The following FOCAD variants were observed in gnomAD, a reference collection of about 807,000 sequenced individuals.
FOCAD encodes the protein KIAA1797.
FOCAD carries 198 observed loss-of-function variants against 225.6 expected under a neutral mutation model. The observed-to-expected ratio is 0.88, with a 90% CI of 0.78 to 0.99. The LOEUF (loss-of-function observed/expected upper bound fraction) is 0.99, where lower values mean the gene tolerates loss of function less well. Ranked by LOEUF, FOCAD falls within the 50% of genes least tolerant of loss-of-function variation. The probability of loss-of-function intolerance (pLI) is 0.00; values close to 1 mark genes in which losing one functional copy is unlikely to be tolerated. For missense variants in FOCAD, 2,713 were observed against 2,123.6 expected, an observed-to-expected ratio of 1.28 and a Z score of -5.46; for synonymous variants, 897 against 755.0, an observed-to-expected ratio of 1.19 and a Z score of -3.08.
At chr9:20,809,533 T>C (rs560043439) in intron 11 of FOCAD, among the ~76,000 whole-genome samples, 1 of 152,164 alleles carries the variant, frequency 6.6e-6, no homozygotes, top group Non-Finnish European at 1.5e-5. Context: ...AGAATCTCTC[T>C]CTTCTTCTGA....
chr9:20,722,016 C>T (rs1372193152), intron 4 of FOCAD, among the ~76,000 whole-genome samples: 4 of 112,412 alleles, frequency 3.6e-5, no homozygotes, highest in African/African-American at 1.4e-4. Flanking sequence ...TTCCTTCCTT[C>T]CTTCCTTCTT....
At chr9:20,755,936 A>G (rs1164991091) in intron 5 of FOCAD, among the ~76,000 whole-genome samples, 2 of 152,120 alleles carry the variant, frequency 1.3e-5, no homozygotes, top group East Asian at 3.9e-4. Context: ...CTGGGATTAC[A>G]GGTGTGAATC....
chr9:20,772,132 T>G (rs1003777875), intron 8 of FOCAD, among the ~76,000 whole-genome samples: 4 of 152,142 alleles, frequency 2.6e-5, no homozygotes, highest in Non-Finnish European at 4.4e-5. Context: ...TATGATTGAT[T>G]AGATGGTCAA....
chr9:20,944,716 T>A lies in FOCAD; in HGVS notation c.3497T>A (p.Leu1166His), dbSNP rs1403163727. The change falls in exon 29 of 44, where the codon CTC becomes CAC. Residue 1166 changes from leucine (L) to histidine (H), a missense_variant. By Grantham distance (99) the Leu-to-His change is moderately conservative. Coordinates refer to ENST00000338382, the MANE Select transcript of FOCAD (RefSeq NM_001375567.1). ...TCCCGCGTTCACGTAGCAGCATTGC[T>A]CCGGAAGCTGTCTGCGCACGTAGAT... ...MQSRVHVAAL[L>H]RKLSAHVDDS... 6.2e-7 allele frequency: 1 copy of A among 1,614,052 alleles called. No homozygotes were observed. The highest frequency in any genetic ancestry group is 8.5e-7 in the Non-Finnish European group (1 of 1,179,958).
At chr9:20,866,664 C>T (rs1829289190) in intron 17 of FOCAD, among the ~76,000 whole-genome samples, 1 of 151,784 alleles carries the variant, frequency 6.6e-6, no homozygotes, top group South Asian at 2.1e-4. Flanking sequence ...TTCTTACTTC[C>T]CTTCACAGAC....
intron 14 of FOCAD, among the ~76,000 whole-genome samples, chr9:20,822,153 A>G (rs1001929322): frequency 6.6e-6 from 1 of 152,002 alleles, no homozygotes; most frequent in Non-Finnish European, 1.5e-5. Context: ...GAGGCTCAGG[A>G]TAGACTGAAT....
At chr9:20,946,416 A>G (rs1387066029) in intron 29 of FOCAD, among the ~76,000 whole-genome samples, 1 of 152,216 alleles carries the variant, frequency 6.6e-6, no homozygotes, top group Non-Finnish European at 1.5e-5. Flanking sequence ...TACTATTATG[A>G]GTCTAAAGAC....
intron 1 of FOCAD, among the ~76,000 whole-genome samples, chr9:20,713,933 GGAAAATAGTTTGCAATC>G (rs1825087270): frequency 1.3e-5 from 2 of 152,124 alleles, no homozygotes; most frequent in Non-Finnish European, 2.9e-5. Context: ...GATTTAGATA[GGAAAATAGTTTGCAATC>G]TTAGAACAAG....
chr9:20,957,686 T>TTTTTATTTA (rs1488545562), intron 35 of FOCAD: 5 of 140,514 alleles, frequency 3.6e-5, no homozygotes, highest in African/African-American at 1.3e-4. Context: ...TTTTTTTTTT[T>TTTTTATTTA]TTTTTTTTTT....
At chr9:20,926,054 T>A (rs534568667) in intron 25 of FOCAD, among the ~76,000 whole-genome samples, 1 of 152,218 alleles carries the variant, frequency 6.6e-6, no homozygotes, top group Non-Finnish European at 1.5e-5. Context: ...TTTTGCAGCA[T>A]CTATCCTCTT....
rs1820267319 is a variant in FOCAD at position 20,789,259 on chromosome 9, A to G, written c.1198-92A>G. On this transcript the variant is annotated intron_variant, in intron 10 of 43. Transcript: ENST00000338382. ...TATTCATTTTGTTGGAAGGAGTGAT[A>G]TCTTACAATGAAATATAAGAATGCC... 3 of 1,372,128 alleles carry G rather than the reference A, an allele frequency of 2.2e-6. No individual in the cohort carries two copies. The South Asian group carries it at 3.9e-5, about 18-fold the overall frequency. 85.0% of individuals were successfully genotyped at this position (1,372,128 alleles called of 1,614,324 possible). A position where few individuals can be genotyped will look rare whatever the true frequency, so the allele number is the denominator to read the frequency against.
upstream of FOCAD, among the ~76,000 whole-genome samples, chr9:20,658,098 G>A (rs1028992753): frequency 1.3e-5 from 2 of 150,444 alleles, no homozygotes; most frequent in Non-Finnish European, 3.0e-5. Context: ...TCAGGGGTCA[G>A]GGGTCAGGGA....
At chr9:20,888,078 AT>A (rs748725244) in intron 21 of FOCAD, among the ~76,000 whole-genome samples, 240 of 52,614 alleles carry the variant, frequency 4.6e-3, no homozygotes, top group Non-Finnish European at 6.7e-3. Flanking sequence ...TATTCTGGAT[AT>A]TTTTTTTTTT....
intron 28 of FOCAD, among the ~76,000 whole-genome samples, 155 bp from the exon 29 acceptor site, chr9:20,944,472 G>A (rs1836978379): frequency 6.6e-6 from 1 of 152,174 alleles, no homozygotes; most frequent in Admixed American, 6.5e-5. Flanking sequence ...ATGTGTACTT[G>A]TCATGGATGA....
intron 40 of FOCAD, among the ~76,000 whole-genome samples, chr9:20,987,369 G>A (rs566362294): frequency 5.9e-5 from 9 of 152,148 alleles, no homozygotes; most frequent in Admixed American, 1.3e-4. Flanking sequence ...TTAGCTGGTT[G>A]TGGTGGCGTA....
At chr9:20,741,054 A>G (rs1266006825) in intron 5 of FOCAD, among the ~76,000 whole-genome samples, 1 of 152,176 alleles carries the variant, frequency 6.6e-6, no homozygotes, top group Non-Finnish European at 1.5e-5. Flanking sequence ...AACTCTGTTC[A>G]GTGAGGCATT....
intron 28 of FOCAD, among the ~76,000 whole-genome samples, chr9:20,937,583 A>T (rs539406011): frequency 1.3e-5 from 2 of 152,268 alleles, no homozygotes; most frequent in South Asian, 4.2e-4. Flanking sequence ...TTAATTCAAG[A>T]TGGATTAAAG....
chr9:20,895,932 C>T (rs1023532752), intron 21 of FOCAD, among the ~76,000 whole-genome samples: 2 of 151,888 alleles, frequency 1.3e-5, no homozygotes, highest in African/African-American at 4.8e-5. Context: ...TGAGAGAGGA[C>T]ATCCTTGCCT....
chr9:20,845,984 G>A (rs1320848675), intron 15 of FOCAD, among the ~76,000 whole-genome samples: 6 of 152,116 alleles, frequency 3.9e-5, no homozygotes, highest in Non-Finnish European at 7.4e-5. Context: ...TTATTATGAG[G>A]TTTTGTACTA....
Sources: gnomAD v4.1 joint callset for allele counts (sites outside exome capture counted in the v4.1 genomes callset) on GRCh38, gnomAD v4.1.1 for gene constraint, MANE v1.5 for transcripts, NCBI Gene and HGNC (gene_info 2026-07-23, HGNC 2026-07-21) for gene names.